The following CLSTN1 variants were observed in gnomAD, a reference collection of about 807,000 sequenced individuals.
CLSTN1 encodes the protein calsyntenin 1.
A neutral mutation model predicts 108.3 loss-of-function variants in CLSTN1; 28 were observed. That is an observed-to-expected ratio of 0.26 (90% CI 0.19 to 0.35). The LOEUF (loss-of-function observed/expected upper bound fraction) is 0.35. CLSTN1 is among the 10% of genes least tolerant of loss of function. The probability of loss-of-function intolerance (pLI) is 1.00; values close to 1 mark genes in which losing one functional copy is unlikely to be tolerated. For missense variants in CLSTN1, 1,157 were observed against 1,302.6 expected (o/e 0.89, Z 1.72); for synonymous variants, 524 against 534.9 (o/e 0.98, Z 0.28).
chr1:9,745,887 G>A (rs1471189912), intron 7 of CLSTN1, among the ~76,000 whole-genome samples: 2 of 146,276 alleles, frequency 1.4e-5, no homozygotes, highest in African/African-American at 5.0e-5. Flanking sequence ...TCCCACCTCA[G>A]CCTCCCAAGT....
In CLSTN1 at chr1:9,777,164, G is replaced by C. The variant is rs565249133; in HGVS notation, c.92-3770C>G. ...GAACCTGGGAGGTGCAGGTTGCAGT[G>C]AGCCAAGATTGTACCACTGCACTCC... On this transcript the variant is annotated intron_variant, in intron 1 of 18. Coordinates refer to ENST00000377298, the MANE Select transcript of CLSTN1 (RefSeq NM_001009566.3). Among the ~76,000 whole-genome samples, 5 of 148,018 alleles carry C rather than the reference G, an allele frequency of 3.4e-5. No individual in the cohort carries two copies. The South Asian group carries it at 1.1e-3, about 31-fold the overall frequency.
chr1:9,773,313 G>C lies in CLSTN1; in HGVS notation c.173C>G (p.Pro58Arg), dbSNP rs757749011. Residue 58 changes from proline to arginine, a missense_variant, in exon 2 of 19, where the codon CCA (proline) becomes CGA (arginine). Pro to Arg is a moderately radical substitution (Grantham distance 103). Coordinates refer to ENST00000377298, the MANE Select transcript of CLSTN1 (RefSeq NM_001009566.3). ...CGCATCTTTATCCAGCGCGATCAGT[G>C]GGGGGTCGAGGAGCACGGTGTTGTC... is the stretch of plus-strand genomic sequence containing the variant. ...ENDNTVLLDP[P>R]LIALDKDAPL... The C allele has an allele frequency of 8.7e-6, 14 of 1,613,868 alleles. No homozygotes were observed. The South Asian group carries it at 1.1e-4, about 13-fold the overall frequency.
chr1:9,731,202 C>T lies in CLSTN1; in HGVS notation c.2748+4G>A. 6.2e-7 allele frequency: 1 copy of T among 1,614,186 alleles called. No individual in the cohort carries two copies. Among genetic ancestry groups the T allele is most frequent in the Non-Finnish European group, 8.5e-7 (1 of 1,180,046 alleles). ...AGTCCTGGAGGTCGCCCGCCCACTC[C>T]TACCTCCATGGGGTTGACGGTGATG... is the stretch of plus-strand genomic sequence containing the variant. On this transcript the variant is annotated splice_donor_region_variant and intron_variant, in intron 18 of 18. Coordinates refer to ENST00000377298, the MANE Select transcript of CLSTN1 (RefSeq NM_001009566.3).
At chr1:9,799,813 T>C (rs1176131153) in intron 1 of CLSTN1, among the ~76,000 whole-genome samples, 3 of 150,030 alleles carry the variant, frequency 2.0e-5, no homozygotes, top group African/African-American at 4.9e-5. Context: ...TGCTGGTGGG[T>C]GCCTGTAGTC....
intron 1 of CLSTN1, among the ~76,000 whole-genome samples, chr1:9,779,140 G>A (rs1029586978): frequency 6.6e-6 from 1 of 152,218 alleles, no homozygotes; most frequent in Non-Finnish European, 1.5e-5. Flanking sequence ...GTGTGAGGCT[G>A]TCTGTGGGAG....
chr1:9,791,548 T>C (rs1046954598), intron 1 of CLSTN1, among the ~76,000 whole-genome samples: 1 of 150,410 alleles, frequency 6.6e-6, no homozygotes, highest in African/African-American at 2.4e-5. Context: ...TCCTTTTTTT[T>C]TGAGATGGAG....
At chr1:9,787,432 C>G (rs1003221567) in intron 1 of CLSTN1, among the ~76,000 whole-genome samples, 2 of 130,558 alleles carry the variant, frequency 1.5e-5, no homozygotes, top group African/African-American at 2.9e-5. Context: ...GAGACGGAGT[C>G]TCACTCTGTC....
chr1:9,764,489 T>C (rs993674876), intron 2 of CLSTN1, among the ~76,000 whole-genome samples: 8 of 151,780 alleles, frequency 5.3e-5, no homozygotes, highest in African/African-American at 1.9e-4. Flanking sequence ...ATACAAAAAT[T>C]AGCCAGGTAT....
intron 9 of CLSTN1, among the ~76,000 whole-genome samples, chr1:9,742,666 AC>A (rs1386306960): frequency 6.6e-6 from 1 of 152,158 alleles, no homozygotes; most frequent in Non-Finnish European, 1.5e-5. Context: ...AGAAATAATC[AC>A]TCACATAAAT....
rs191995338 is a variant in CLSTN1 at position 9,792,154 on chromosome 1, C to A, written c.92-18760G>T. On this transcript the variant is annotated intron_variant, in intron 1 of 18. Transcript: ENST00000377298. ...CTGAGATCGGTCGTGCCACTGCACT[C>A]CAGCTTAGGCGACAGCGAGACTCCA... is the stretch of plus-strand genomic sequence containing the variant. 7.9e-5 allele frequency among the ~76,000 whole-genome samples: 12 copies of A among 150,998 alleles called. No homozygotes were observed. The East Asian group carries it at 2.4e-3, about 30-fold the overall frequency.
chr1:9,808,003 G>A (rs1000007155), intron 1 of CLSTN1, among the ~76,000 whole-genome samples: 15 of 152,184 alleles, frequency 9.9e-5, no homozygotes, highest in East Asian at 1.9e-4. Flanking sequence ...AGAATCCTGC[G>A]GCGCTGCCAC....
intron 1 of CLSTN1, among the ~76,000 whole-genome samples, chr1:9,782,875 C>T (rs1653313041): frequency 6.6e-6 from 1 of 152,192 alleles, no homozygotes; most frequent in South Asian, 2.1e-4. Context: ...GGCGTGGTGG[C>T]ACACGCCTAT....
intron 4 of CLSTN1, among the ~76,000 whole-genome samples, chr1:9,753,152 G>A (rs1267071751): frequency 6.6e-6 from 1 of 152,156 alleles, no homozygotes; most frequent in Non-Finnish European, 1.5e-5. Context: ...TCAGGCAGTC[G>A]ATTCTCATAA....
intron 1 of CLSTN1, among the ~76,000 whole-genome samples, chr1:9,814,987 A>G (rs1292192099): frequency 6.6e-6 from 1 of 152,182 alleles, no homozygotes; most frequent in East Asian, 1.9e-4. Flanking sequence ...CATTAAGTTA[A>G]GCCCTGCTCC....
At chr1:9,754,779 C>T (rs1402260821) in intron 4 of CLSTN1, among the ~76,000 whole-genome samples, 2 of 152,110 alleles carry the variant, frequency 1.3e-5, no homozygotes, top group African/African-American at 4.8e-5. Context: ...CGCTTGAACC[C>T]AGGAGGCGGA....
Position 9,755,142 on chromosome 1 carries a change from C to G in CLSTN1, c.412G>C (p.Asp138His). 1 of 1,613,210 alleles carries G rather than the reference C, an allele frequency of 6.2e-7. No homozygotes were observed. The highest frequency in any genetic ancestry group is 1.1e-5 in the South Asian group (1 of 91,010). The stretch of plus-strand genomic sequence containing the variant: ...TGAGACTTTTTCACGTTGGTGCCAT[C>G]AGGTCCCTTCCCACAATCATAGGCC... The part of the protein sequence containing the change: ...IQAYDCGKGP[D>H]GTNVKKSHKA... Residue 138 changes from aspartate (D) to histidine (H), a missense_variant, in exon 4 of 19, where the codon GAT becomes CAT. By Grantham distance (81) the Asp-to-His change is moderately conservative. Transcript: ENST00000377298.
rs770475491 is a variant in CLSTN1 at position 9,735,487 on chromosome 1, G to C, written c.1863C>G (p.Leu621=). The C allele has an allele frequency of 5.0e-5, 81 of 1,614,088 alleles. No individual in the cohort carries two copies. In the East Asian group the frequency reaches 1.7e-3, roughly 35 times the overall value. Residue 621 remains leucine (L), a synonymous_variant, in exon 13 of 19, where the codon CTC becomes CTG. Transcript: ENST00000377298. Reference sequence around the variant, plus strand: ...CGTACTTGATTGTGCTGGTGATTTTGAGTCTGCGAATTCCGGGCGTGGGGA... The same window carrying C: ...CGTACTTGATTGTGCTGGTGATTTTCAGTCTGCGAATTCCGGGCGTGGGGA... ...RQFPTPGIRR[L]KITSTIKCFN... is the part of the protein sequence containing the mutation.
In CLSTN1 at chr1:9,758,277, G is replaced by A. The variant is rs550116365; in HGVS notation, c.215-1767C>T. Reference sequence around the variant, plus strand: ...CAAAGTGCTGGGATTACAGGCGTGAGCCACTGCGCCCAGCCCACGTGCAGT... The same window carrying A: ...CAAAGTGCTGGGATTACAGGCGTGAACCACTGCGCCCAGCCCACGTGCAGT... On this transcript the variant is annotated intron_variant, in intron 2 of 18. Transcript: ENST00000377298. Among the ~76,000 whole-genome samples the A allele has an allele frequency of 5.9e-5, 9 of 152,060 alleles. No homozygotes were observed. In the South Asian group the frequency reaches 1.0e-3, roughly 18 times the overall value.
chr1:9,736,135 G>A, intron 11 of CLSTN1, 93 bp from the exon 12 acceptor site: 2 of 1,489,228 alleles, frequency 1.3e-6, no homozygotes, highest in Middle Eastern at 1.7e-4. Flanking sequence ...GGTGCTGGCA[G>A]CTCAGTGGAT....
Sources: gnomAD v4.1 joint callset for allele counts (sites outside exome capture counted in the v4.1 genomes callset) on GRCh38, gnomAD v4.1.1 for gene constraint, MANE v1.5 for transcripts, NCBI Gene and HGNC (gene_info 2026-07-23, HGNC 2026-07-21) for gene names.